The following TNR variants were observed in gnomAD, a reference collection of about 807,000 sequenced individuals.
TNR encodes the protein tenascin R.
A neutral mutation model predicts 150.4 loss-of-function variants in TNR; 45 were observed. The observed-to-expected ratio is 0.30, with a 90% CI of 0.24 to 0.38. The LOEUF (loss-of-function observed/expected upper bound fraction) is 0.38. Among genes scored for constraint, TNR ranks in the 10% least tolerant of loss-of-function variants. TNR has a pLI of 1.00. For synonymous variants in TNR, 687 were observed against 678.4 expected, an observed-to-expected ratio of 1.01 and a Z score of -0.20; for missense variants, 1,544 against 1,759.1, an observed-to-expected ratio of 0.88 and a Z score of 2.19.
At chr1:175,634,999 C>T (rs1014655613) in intron 1 of TNR, among the ~76,000 whole-genome samples, 24 of 152,194 alleles carry the variant, frequency 1.6e-4, no homozygotes, top group African/African-American at 5.8e-4. Flanking sequence ...TACCTAGCCC[C>T]TCCTCTGCTC....
rs1648892795 is a variant in TNR at position 175,318,103 on chromosome 1, G to A, written c.*5254C>T. The A allele has an allele frequency of 2.0e-5, 3 of 152,264 alleles. No homozygotes were observed. The highest frequency in any genetic ancestry group is 7.2e-5 in the African/African-American group (3 of 41,462). The allele number at this position is 152,264 out of a possible 1,614,324, so 9.4% of individuals were successfully genotyped here. On this transcript the variant is annotated 3_prime_UTR_variant, in exon 23 of 23. Coordinates refer to ENST00000367674, the MANE Select transcript of TNR (RefSeq NM_003285.3). ...AGAACTGGTTGAGCAAAGAAAGAAA[G>A]TCCTTCTGCTTCTGGTTTTCGGTGC... is the stretch of plus-strand genomic sequence containing the variant.
intron 1 of TNR, among the ~76,000 whole-genome samples, chr1:175,592,912 G>A (rs1662856927): frequency 1.3e-5 from 2 of 152,174 alleles, no homozygotes; most frequent in Admixed American, 1.3e-4. Context: ...TTCTTCAAGG[G>A]CAAACTGGTT....
chr1:175,736,048 C>T (rs890618237), intron 1 of TNR, among the ~76,000 whole-genome samples: 3 of 152,156 alleles, frequency 2.0e-5, no homozygotes, highest in Admixed American at 6.5e-5. Context: ...ATATAAAATT[C>T]GGGTCAACCC....
chr1:175,527,250 G>T (rs1438820977), intron 2 of TNR, among the ~76,000 whole-genome samples: 1 of 152,198 alleles, frequency 6.6e-6, no homozygotes, highest in Admixed American at 6.5e-5. Context: ...TAGCCAGCGT[G>T]ATGTGATGAT....
Position 175,527,326 on chromosome 1 carries a change from C to T in TNR, c.-64+943G>A, listed in dbSNP as rs577745288. ...CATGGGGTACTTTGTAGTCAAGTGC[C>T]CCCAAGGAAGGCAGGCTGCCACTGA... On this transcript the variant is annotated intron_variant, in intron 2 of 22. Transcript: ENST00000367674. 7.2e-5 allele frequency among the ~76,000 whole-genome samples: 11 copies of T among 152,238 alleles called. No individual in the cohort carries two copies. The South Asian group carries it at 2.1e-3, about 29-fold the overall frequency.
intron 2 of TNR, among the ~76,000 whole-genome samples, chr1:175,497,590 T>C (rs911252762): frequency 6.6e-6 from 1 of 152,188 alleles, no homozygotes; most frequent in Non-Finnish European, 1.5e-5. Context: ...CAGCTGCTGT[T>C]GTGCTGTTGT....
At chr1:175,526,102 G>C (rs1659839712) in intron 2 of TNR, among the ~76,000 whole-genome samples, 1 of 151,842 alleles carries the variant, frequency 6.6e-6, no homozygotes. Context: ...TATCTATTTG[G>C]CTTGATAAGT....
chr1:175,470,853 C>T (rs1425199348), intron 2 of TNR, among the ~76,000 whole-genome samples: 1 of 152,170 alleles, frequency 6.6e-6, no homozygotes, highest in Non-Finnish European at 1.5e-5. Flanking sequence ...CCATGTTCTG[C>T]ACCACTATTG....
chr1:175,419,968 C>T (rs970134742), intron 2 of TNR, among the ~76,000 whole-genome samples: 7 of 152,186 alleles, frequency 4.6e-5, no homozygotes, highest in Admixed American at 4.6e-4. Context: ...CCCATTCTGC[C>T]GAAGGGGAGC....
intron 1 of TNR, among the ~76,000 whole-genome samples, chr1:175,622,557 G>C (rs1029779902): frequency 6.6e-6 from 1 of 152,158 alleles, no homozygotes; most frequent in Non-Finnish European, 1.5e-5. Flanking sequence ...CTCACACCCT[G>C]TCCTTTGCCA....
intron 1 of TNR, among the ~76,000 whole-genome samples, chr1:175,624,395 G>A (rs1349814441): frequency 6.6e-6 from 1 of 152,024 alleles, no homozygotes; most frequent in African/African-American, 2.4e-5. Context: ...AGCTAGTTAG[G>A]TCACACTGAA....
chr1:175,480,305 TGAG>T (rs1657726543), intron 2 of TNR, among the ~76,000 whole-genome samples: 2 of 71,820 alleles, frequency 2.8e-5, no homozygotes, highest in Non-Finnish European at 5.8e-5. Flanking sequence ...AAAAAAAAAA[TGAG>T]GAAGAAAGAA....
At chr1:175,446,071 T>G (rs889489703) in intron 2 of TNR, among the ~76,000 whole-genome samples, 1 of 152,248 alleles carries the variant, frequency 6.6e-6, no homozygotes, top group African/African-American at 2.4e-5. Context: ...GGCTCTTTTT[T>G]TCTTATGGAT....
At chr1:175,710,986 C>T (rs1370858472) in intron 1 of TNR, among the ~76,000 whole-genome samples, 1 of 150,144 alleles carries the variant, frequency 6.7e-6, no homozygotes, top group South Asian at 2.1e-4. Context: ...ACGGCACCTC[C>T]TCCACTTCTA....
At chr1:175,439,031 G>T (rs2102078699) in intron 2 of TNR, among the ~76,000 whole-genome samples, 1 of 152,270 alleles carries the variant, frequency 6.6e-6, no homozygotes, top group African/African-American at 2.4e-5. Flanking sequence ...CTACTTTAAA[G>T]TTCATATGGA....
At position 175,444,061 on chromosome 1, in the gene TNR, C is replaced by G. The variant is rs113266838; in HGVS notation, c.-63-37284G>C. 8.9e-3 allele frequency among the ~76,000 whole-genome samples: 1,360 copies of G among 152,256 alleles called. 35 individuals carry two copies. Among genetic ancestry groups the G allele is most frequent in the African/African-American group, 0.031 (1,279 of 41,534 alleles). On this transcript the variant is annotated intron_variant, in intron 2 of 22. Transcript: ENST00000367674. ...GGGGGGTGGTCTGTGTCCATTAAAT[C>G]TAGATCTCCTGGGACAGGGAGGCCC...
chr1:175,327,328 G>A (rs186990495), intron 21 of TNR, among the ~76,000 whole-genome samples: 1 of 152,092 alleles, frequency 6.6e-6, no homozygotes, highest in Non-Finnish European at 1.5e-5. Flanking sequence ...CCTGGTTTCT[G>A]TCTCTCAAAC....
At chr1:175,460,059 T>A (rs1656748071) in intron 2 of TNR, among the ~76,000 whole-genome samples, 1 of 152,188 alleles carries the variant, frequency 6.6e-6, no homozygotes, top group African/African-American at 2.4e-5. Flanking sequence ...ATTGGCATTA[T>A]GAAAAGCAAG....
At chr1:175,369,625 A>G (rs2102017211) in intron 9 of TNR, among the ~76,000 whole-genome samples, 1 of 152,066 alleles carries the variant, frequency 6.6e-6, no homozygotes, top group East Asian at 1.9e-4. Flanking sequence ...TTTTATAAAA[A>G]GAAACTGTGG....
Sources: allele counts gnomAD v4.1 joint callset (sites outside exome capture counted in the v4.1 genomes callset), GRCh38; gene constraint gnomAD v4.1.1; transcripts MANE v1.5; gene names NCBI Gene and HGNC (gene_info 2026-07-23, HGNC 2026-07-21).